The following SOAT1 variants were observed in gnomAD, a reference collection of about 807,000 sequenced individuals.
SOAT1 encodes acyl-coenzyme A:cholesterol acyltransferase 1.
A neutral mutation model predicts 69.5 loss-of-function variants in SOAT1; 55 were observed. The observed-to-expected ratio is 0.79, with a 90% CI of 0.64 to 0.99. SOAT1 has a LOEUF of 0.99. Among genes scored for constraint, SOAT1 ranks in the 50% least tolerant of loss-of-function variants. SOAT1 has a pLI of 0.00. For missense variants in SOAT1, 580 were observed against 669.3 expected (o/e 0.87, Z 1.47); for synonymous variants, 231 against 224.7 (o/e 1.03, Z -0.25).
At position 179,341,052 on chromosome 1, in the gene SOAT1, G is replaced by A; in HGVS notation, c.522G>A (p.Leu174=). 1 of 1,614,078 alleles carries A rather than the reference G, an allele frequency of 6.2e-7. No individual in the cohort carries two copies. The highest frequency in any genetic ancestry group is 8.5e-7 in the Non-Finnish European group (1 of 1,180,004). ...GGCTGGTGCTTGAGTTCAGCCTCCT[G>A]TCTTATGCTTTTGGCAAATTTCCTA... is the stretch of plus-strand genomic sequence containing the variant. The part of the protein sequence containing the change: ...EGRLVLEFSL[L]SYAFGKFPTV... Residue 174 remains leucine (L), a synonymous_variant, in exon 7 of 16, where the codon CTG becomes CTA. Coordinates refer to ENST00000367619, the MANE Select transcript of SOAT1 (RefSeq NM_003101.6).
chr1:179,335,442 G>T, intron 3 of SOAT1, 64 bp from the exon 4 acceptor site: 1 of 1,426,586 alleles, frequency 7.0e-7, no homozygotes, highest in East Asian at 2.3e-5. Flanking sequence ...GCCCTTTAGA[G>T]AAATGCTAAT....
intron 3 of SOAT1, 84 bp downstream of exon 3, chr1:179,323,579 C>T (rs1403328459): frequency 1.8e-6 from 2 of 1,094,890 alleles, no homozygotes; most frequent in African/African-American, 1.6e-5. Flanking sequence ...CTAAATTGCT[C>T]AGATAATTAT....
At chr1:179,336,919 C>T (rs1336742962) in intron 4 of SOAT1, among the ~76,000 whole-genome samples, 1 of 151,172 alleles carries the variant, frequency 6.6e-6, no homozygotes, top group Non-Finnish European at 1.5e-5. Flanking sequence ...CACTCAAACC[C>T]GGGGGAAGGA....
intron 2 of SOAT1, among the ~76,000 whole-genome samples, chr1:179,305,900 T>C (rs1233230088): frequency 1.3e-5 from 2 of 152,136 alleles, no homozygotes; most frequent in African/African-American, 4.8e-5. Context: ...TCCTTTGTTA[T>C]AAATAGGAGC....
rs1666473391 is a variant in SOAT1 at position 179,344,940 on chromosome 1, G to A, written c.988-7G>A. 3 of 1,613,696 alleles carry A rather than the reference G, an allele frequency of 1.9e-6. No homozygotes were observed. Among genetic ancestry groups the A allele is most frequent in the Non-Finnish European group, 2.5e-6 (3 of 1,179,854 alleles). ...GTTATTATAATTCTGTCTCTGTTATGTTCCAGGTCTTTGGTTGCTTTTTCT... is the reference window on the plus strand; with the variant it reads ...GTTATTATAATTCTGTCTCTGTTATATTCCAGGTCTTTGGTTGCTTTTTCT... On this transcript the variant is annotated splice_polypyrimidine_tract_variant and splice_region_variant and intron_variant, in intron 10 of 15. Coordinates refer to ENST00000367619, the MANE Select transcript of SOAT1 (RefSeq NM_003101.6).
At chr1:179,345,487 C>A (rs1666496065) in intron 11 of SOAT1, among the ~76,000 whole-genome samples, 1 of 152,148 alleles carries the variant, frequency 6.6e-6, no homozygotes, top group African/African-American at 2.4e-5. Flanking sequence ...ATGTACTTTA[C>A]CCCTTATCCA....
intron 12 of SOAT1, among the ~76,000 whole-genome samples, chr1:179,348,463 C>G (rs985525477): frequency 1.3e-5 from 2 of 152,114 alleles, no homozygotes; most frequent in African/African-American, 4.8e-5. Flanking sequence ...AGCACTCTCT[C>G]TGGTCTTCAT....
At chr1:179,321,754 A>T (rs12031660) in intron 2 of SOAT1, among the ~76,000 whole-genome samples, 2 of 151,994 alleles carry the variant, frequency 1.3e-5, no homozygotes, top group Non-Finnish European at 2.9e-5. Flanking sequence ...AGACATGTTT[A>T]ATCTACTGTT....
At chr1:179,318,349 A>G (rs1241644977) in intron 2 of SOAT1, among the ~76,000 whole-genome samples, 2 of 152,318 alleles carry the variant, frequency 1.3e-5, no homozygotes, top group East Asian at 3.9e-4. Flanking sequence ...TATGCACCAT[A>G]CATACACAGG....
chr1:179,298,360 T>C lies in SOAT1; in HGVS notation c.-8-4317T>C, dbSNP rs796191096. 1.3e-4 allele frequency among the ~76,000 whole-genome samples: 20 copies of C among 152,300 alleles called. No individual in the cohort carries two copies. In the East Asian group the frequency reaches 2.7e-3, roughly 21 times the overall value. ...ACCTCGGCCTCCCAAAGTGCTGGGA[T>C]TACAGATGTATTCCACCATGCCCGG... is the stretch of plus-strand genomic sequence containing the variant. On this transcript the variant is annotated intron_variant, in intron 1 of 15. Coordinates refer to ENST00000367619, the MANE Select transcript of SOAT1 (RefSeq NM_003101.6).
intron 3 of SOAT1, among the ~76,000 whole-genome samples, chr1:179,330,439 A>T (rs1185590651): frequency 2.0e-5 from 3 of 152,210 alleles, no homozygotes; most frequent in Non-Finnish European, 4.4e-5. Flanking sequence ...TGGGTACAGT[A>T]AACTATTATA....
intron 11 of SOAT1, among the ~76,000 whole-genome samples, chr1:179,346,722 C>T (rs1285532635): frequency 6.6e-6 from 1 of 152,126 alleles, no homozygotes; most frequent in Non-Finnish European, 1.5e-5. Flanking sequence ...ATAAACTGTT[C>T]AGCAGCATCC....
At chr1:179,321,801 T>G (rs1665615054) in intron 2 of SOAT1, among the ~76,000 whole-genome samples, 1 of 152,264 alleles carries the variant, frequency 6.6e-6, no homozygotes, top group Non-Finnish European at 1.5e-5. Flanking sequence ...CAATTTTTTT[T>G]TGTTTTGAGA....
rs753899804 is a variant in SOAT1 at position 179,344,967 on chromosome 1, T to C, written c.1008T>C (p.Tyr336=). 6.2e-7 allele frequency: 1 copy of C among 1,614,152 alleles called. No homozygotes were observed. Among genetic ancestry groups the C allele is most frequent in the South Asian group, 1.1e-5 (1 of 91,082 alleles). ...TCCAGGTCTTTGGTTGCTTTTTCTATGTGTACTACATCTTTGAAAGGCTTT... is the reference window on the plus strand; with the variant it reads ...TCCAGGTCTTTGGTTGCTTTTTCTACGTGTACTACATCTTTGAAAGGCTTT... ...KFAQVFGCFF[Y]VYYIFERLCA... The change falls in exon 11 of 16, where the codon TAT becomes TAC. Residue 336 remains tyrosine, a synonymous_variant. Transcript: ENST00000367619.
intron 12 of SOAT1, 80 bp from the exon 13 acceptor site, chr1:179,348,763 TG>T (rs1472046884): frequency 3.8e-4 from 4 of 10,528 alleles, no homozygotes; most frequent in Admixed American, 2.9e-3. Context: ...GGGTGGGATG[TG>T]TGTGTGTGTG....
intron 12 of SOAT1, among the ~76,000 whole-genome samples, chr1:179,348,254 A>C (rs959205045): frequency 2.0e-5 from 3 of 152,204 alleles, no homozygotes; most frequent in Non-Finnish European, 4.4e-5. Flanking sequence ...TGTTTTTGGC[A>C]ACACTCCAAG....
At chr1:179,311,221 G>A (rs570275017) in intron 2 of SOAT1, among the ~76,000 whole-genome samples, 6 of 152,014 alleles carry the variant, frequency 3.9e-5, no homozygotes, top group Non-Finnish European at 5.9e-5. Flanking sequence ...AAAAAGTTAG[G>A]TGGGCATGGT....
In SOAT1 at chr1:179,348,879, T is replaced by C. The variant is rs766799619; in HGVS notation, c.1251T>C (p.Tyr417=). 5 of 1,612,136 alleles carry C rather than the reference T, an allele frequency of 3.1e-6. No individual in the cohort carries two copies. The South Asian group carries it at 3.3e-5, about 11-fold the overall frequency. ...WWNSTSYSNY[Y]RTWNVVVHDW... ...ACTCCACGTCATACTCCAACTATTA[T>C]AGAACCTGGAATGTGGTGGTCCATG... is the stretch of plus-strand genomic sequence containing the variant. Residue 417 remains tyrosine, a synonymous_variant, in exon 13 of 16, where the codon TAT becomes TAC. Transcript: ENST00000367619.
chr1:179,341,236 G>T lies in SOAT1; in HGVS notation c.706G>T (p.Gly236Cys). 1 of 1,614,092 alleles carries T rather than the reference G, an allele frequency of 6.2e-7. No individual in the cohort carries two copies. The highest frequency in any genetic ancestry group is 8.5e-7 in the Non-Finnish European group (1 of 1,180,024). The change falls in exon 7 of 16, where the codon GGT (glycine) becomes TGT (cysteine). Residue 236 changes from glycine (G) to cysteine (C), a missense_variant. By Grantham distance (159) the Gly-to-Cys change is radical. Transcript: ENST00000367619. The stretch of plus-strand genomic sequence containing the variant: ...CATGATCTTCCAGATTGGAGTTCTA[G>T]GTTTTGGACCAACATATGTTGTGTT... Reference protein sequence around the residue: ...LFMIFQIGVLGFGPTYVVLAY... With the variant: ...LFMIFQIGVLCFGPTYVVLAY...
Sources: gnomAD v4.1 joint callset for allele counts (sites outside exome capture counted in the v4.1 genomes callset) on GRCh38, gnomAD v4.1.1 for gene constraint, MANE v1.5 for transcripts, NCBI Gene and HGNC (gene_info 2026-07-23, HGNC 2026-07-21) for gene names.